Variants in CSTF3 observed in about 807,000 individuals in gnomAD.
The protein encoded by CSTF3 is CF-1 77 kDa subunit.
CSTF3 carries 29 observed loss-of-function variants against 105.8 expected under a neutral mutation model. That is an observed-to-expected ratio of 0.27 (90% CI 0.20 to 0.37). The LOEUF is 0.37. Ranked by LOEUF, CSTF3 falls within the 10% of genes least tolerant of loss-of-function variation. The pLI is 1.00. For synonymous variants in CSTF3, 252 were observed against 281.9 expected (o/e 0.89, Z 1.06); for missense variants, 357 against 879.3 (o/e 0.41, Z 7.51).
At chr11:33,118,698 G>A (rs1290492148) in intron 3 of CSTF3, among the ~76,000 whole-genome samples, 1 of 150,816 alleles carries the variant, frequency 6.6e-6, no homozygotes, top group African/African-American at 2.4e-5. Context: ...CATTTGAGAC[G>A]CTCCAGCTAT....
At chr11:33,086,200 GT>G (rs750560129) in intron 18 of CSTF3, among the ~76,000 whole-genome samples, 1 of 152,222 alleles carries the variant, frequency 6.6e-6, no homozygotes, top group Non-Finnish European at 1.5e-5. Context: ...AAGTGACTTT[GT>G]GTAAGACAAC....
At chr11:33,160,927 G>A (rs952393820) in intron 1 of CSTF3, among the ~76,000 whole-genome samples, 2 of 152,088 alleles carry the variant, frequency 1.3e-5, no homozygotes, top group South Asian at 4.1e-4. Flanking sequence ...ATTTGGCGGG[G>A]TAAAAGAAAC....
chr11:33,126,523 C>T (rs981629935), intron 3 of CSTF3, among the ~76,000 whole-genome samples: 3 of 151,972 alleles, frequency 2.0e-5, no homozygotes, highest in Non-Finnish European at 4.4e-5. Context: ...AAGCAGCTTA[C>T]TCTGAAATAC....
intron 3 of CSTF3, among the ~76,000 whole-genome samples, chr11:33,118,336 C>A (rs2133785150): frequency 6.6e-6 from 1 of 151,886 alleles, no homozygotes; most frequent in South Asian, 2.1e-4. Flanking sequence ...GATTTTGTCC[C>A]AATATATAGG....
At chr11:33,095,113 T>G (rs950679627) in intron 15 of CSTF3, among the ~76,000 whole-genome samples, 1 of 152,164 alleles carries the variant, frequency 6.6e-6, no homozygotes, top group African/African-American at 2.4e-5. Flanking sequence ...TTGGCCAGGC[T>G]AGTCTCAAAC....
intron 3 of CSTF3, among the ~76,000 whole-genome samples, chr11:33,134,025 A>G (rs767706348): frequency 3.9e-5 from 6 of 152,326 alleles, no homozygotes; most frequent in Admixed American, 1.3e-4. Context: ...TGTTATTAGC[A>G]AACACATCAA....
At chr11:33,119,998 A>C (rs1855470762) in intron 3 of CSTF3, among the ~76,000 whole-genome samples, 1 of 151,826 alleles carries the variant, frequency 6.6e-6, no homozygotes, top group Non-Finnish European at 1.5e-5. Flanking sequence ...TTAAAAAATC[A>C]TTACCCAGCT....
At chr11:33,108,494 A>C in intron 3 of CSTF3, 76 bp from the exon 4 acceptor site, 1 of 1,200,716 alleles carries the variant, frequency 8.3e-7, no homozygotes, top group Non-Finnish European at 1.1e-6. Context: ...CCAATTTTTA[A>C]CCAACTTTGC....
At position 33,133,600 on chromosome 11, in the gene CSTF3, C is replaced by T. The variant is rs145761105; in HGVS notation, c.225+8067G>A. On this transcript the variant is annotated intron_variant, in intron 3 of 20. Transcript: ENST00000323959. ...GCCGAGGGCTGGGTGCAGTGGCTTACGCCTGTAATCCAGCACTTTGGAAGG... is the reference window on the plus strand; with the variant it reads ...GCCGAGGGCTGGGTGCAGTGGCTTATGCCTGTAATCCAGCACTTTGGAAGG... Among the ~76,000 whole-genome samples the T allele has an allele frequency of 5.5e-3, 845 of 152,332 alleles. 6 individuals are homozygous for T. The highest frequency in any genetic ancestry group is 7.6e-3 in the Non-Finnish European group (520 of 68,032).
intron 15 of CSTF3, among the ~76,000 whole-genome samples, chr11:33,093,684 C>T (rs1855190918): frequency 6.6e-6 from 1 of 151,710 alleles, no homozygotes; most frequent in African/African-American, 2.4e-5. Flanking sequence ...ACACTTACAC[C>T]ACAACTCATT....
At chr11:33,134,884 CAGA>C (rs1388682297) in intron 3 of CSTF3, among the ~76,000 whole-genome samples, 3 of 152,040 alleles carry the variant, frequency 2.0e-5, no homozygotes, top group Non-Finnish European at 4.4e-5. Context: ...CCCCACCACC[CAGA>C]AGAATGAGAA....
In CSTF3 at chr11:33,084,909, G is replaced by GTATTC. The variant is rs1855086779; in HGVS notation, c.*173_*177dup. On this transcript the variant is annotated 3_prime_UTR_variant, in exon 21 of 21. Transcript: ENST00000323959. ...TTTGCTTAGAGCATAGGTCTGTTCC[G>GTATTC]TATTCTAAAATTCACACAGGTTGGT... is the stretch of plus-strand genomic sequence containing the variant. 1 of 700,318 alleles carries GTATTC rather than the reference G, an allele frequency of 1.4e-6. No individual in the cohort carries two copies. Among genetic ancestry groups the GTATTC allele is most frequent in the Admixed American group, 2.5e-5 (1 of 40,234 alleles). 43.4% of individuals were successfully genotyped at this position (700,318 alleles called of 1,614,324 possible).
chr11:33,113,174 CCAGCTTGGG>C (rs1355816652), intron 3 of CSTF3, among the ~76,000 whole-genome samples: 4 of 151,326 alleles, frequency 2.6e-5, no homozygotes, highest in Non-Finnish European at 4.4e-5. Context: ...ACCACACACT[CCAGCTTGGG>C]CAGCAGAGTG....
intron 3 of CSTF3, among the ~76,000 whole-genome samples, chr11:33,120,265 C>T (rs1358967503): frequency 6.6e-6 from 1 of 151,036 alleles, no homozygotes; most frequent in Admixed American, 6.6e-5. Context: ...AAATATGCTA[C>T]CATGTGGAAA....
intron 12 of CSTF3, 86 bp downstream of exon 12, chr11:33,098,948 T>C: frequency 6.7e-7 from 1 of 1,503,666 alleles, no homozygotes; most frequent in African/African-American, 1.4e-5. Context: ...AAAAGCAATA[T>C]GCCTGGCAAA....
intron 16 of CSTF3, 88 bp from the exon 17 acceptor site, chr11:33,090,815 T>C (rs1855161931): frequency 1.3e-6 from 1 of 777,984 alleles, no homozygotes; most frequent in Non-Finnish European, 1.9e-6. Flanking sequence ...AGCTCTCTCT[T>C]TTTCCCTTAA....
intron 3 of CSTF3, among the ~76,000 whole-genome samples, chr11:33,126,654 T>C (rs901785177): frequency 6.6e-6 from 1 of 152,202 alleles, no homozygotes; most frequent in African/African-American, 2.4e-5. Flanking sequence ...TTTATATTCA[T>C]GAAAATACAT....
At position 33,121,325 on chromosome 11, in the gene CSTF3, G is replaced by A. The variant is rs895128907; in HGVS notation, c.226-12907C>T. 9.2e-5 allele frequency among the ~76,000 whole-genome samples: 14 copies of A among 151,998 alleles called. No homozygotes were observed. In the East Asian group the frequency reaches 1.9e-3, roughly 21 times the overall value. The stretch of plus-strand genomic sequence containing the variant: ...CTCTATTTTAATGGCTTCAGTCTAC[G>A]TACTTATCTCCAGAATATTTATAAA... On this transcript the variant is annotated intron_variant, in intron 3 of 20. Transcript: ENST00000323959.
intron 3 of CSTF3, among the ~76,000 whole-genome samples, chr11:33,121,940 T>C (rs1231198947): frequency 1.3e-5 from 2 of 152,042 alleles, no homozygotes; most frequent in African/African-American, 4.8e-5. Context: ...CAACAACAAG[T>C]TTCCTAATGC....
Sources: gnomAD v4.1 joint callset for allele counts (sites outside exome capture counted in the v4.1 genomes callset) on GRCh38, gnomAD v4.1.1 for gene constraint, MANE v1.5 for transcripts, NCBI Gene and HGNC (gene_info 2026-07-23, HGNC 2026-07-21) for gene names.